The following MRAP2 variants were observed in gnomAD, a reference collection of about 807,000 sequenced individuals.
MRAP2 encodes the protein melanocortin-2 receptor accessory protein 2.
In MRAP2, 20 loss-of-function variants were observed where a neutral mutation model predicts 17.4. The ratio of observed to expected loss-of-function variants is 1.15; its 90% CI spans 0.81 to 1.67. MRAP2 has a LOEUF of 1.67. Ranked by LOEUF, MRAP2 falls within the 40% of genes most tolerant of loss-of-function variation. The probability of loss-of-function intolerance (pLI) is 0.00; values close to 1 mark genes in which losing one functional copy is unlikely to be tolerated. For missense variants in MRAP2, 238 were observed against 240.0 expected (o/e 0.99, Z 0.05); for synonymous variants, 96 against 88.4 (o/e 1.09, Z -0.48).
chr6:84,050,777 A>C (rs2129162621), intron 1 of MRAP2, among the ~76,000 whole-genome samples: 1 of 152,332 alleles, frequency 6.6e-6, no homozygotes, highest in East Asian at 1.9e-4. Context: ...CCTGGGTGGC[A>C]TGCCTACTTT....
intron 1 of MRAP2, among the ~76,000 whole-genome samples, chr6:84,050,083 G>A (rs879485710): frequency 1.1e-4 from 16 of 152,084 alleles, no homozygotes; most frequent in Non-Finnish European, 1.0e-4. Context: ...CAAAATAGTC[G>A]TGAGGAGGAG....
chr6:84,081,083 A>G (rs771490665), intron 3 of MRAP2, among the ~76,000 whole-genome samples: 9 of 152,232 alleles, frequency 5.9e-5, no homozygotes, highest in Non-Finnish European at 2.9e-5. Context: ...CAACAGTTGT[A>G]TTAGGGATGT....
chr6:84,109,154 G>C, the MRAP2 span, among the ~76,000 whole-genome samples: 1 of 152,000 alleles, frequency 6.6e-6, no homozygotes. Context: ...TGGCTTTTTG[G>C]GCTCTTTTTT....
chr6:84,034,832 T>C (rs1229888820), intron 1 of MRAP2, among the ~76,000 whole-genome samples: 1 of 152,134 alleles, frequency 6.6e-6, no homozygotes, highest in Non-Finnish European at 1.5e-5. Flanking sequence ...ATTGCGATAT[T>C]AAATACGTTT....
chr6:84,079,037 C>T (rs1410889712), intron 3 of MRAP2, among the ~76,000 whole-genome samples: 1 of 152,314 alleles, frequency 6.6e-6, no homozygotes, highest in Middle Eastern at 3.4e-3. Context: ...AGATCCACTA[C>T]ATGACTCAAT....
At chr6:84,060,852 A>ATTTTTTT in intron 2 of MRAP2, among the ~76,000 whole-genome samples, 1 of 119,522 alleles carries the variant, frequency 8.4e-6, no homozygotes, top group Non-Finnish European at 1.7e-5. Flanking sequence ...CACCCGGCTA[A>ATTTTTTT]TTTTTTTTTT....
intron 3 of MRAP2, among the ~76,000 whole-genome samples, chr6:84,067,803 G>A (rs2099495159): frequency 6.8e-6 from 1 of 147,804 alleles, no homozygotes; most frequent in African/African-American, 2.5e-5. Flanking sequence ...TTTGTCAGAT[G>A]TATGGATTGT....
the MRAP2 span, among the ~76,000 whole-genome samples, chr6:84,129,370 T>C: frequency 1.3e-5 from 2 of 152,228 alleles, no homozygotes; most frequent in Non-Finnish European, 2.9e-5. Flanking sequence ...GACTTTTTAA[T>C]GATCGCCATT....
chr6:84,047,181 T>C (rs2129161111), intron 1 of MRAP2, among the ~76,000 whole-genome samples: 1 of 152,020 alleles, frequency 6.6e-6, no homozygotes, highest in South Asian at 2.1e-4. Flanking sequence ...TTATTTGTAT[T>C]ATTTAATTAA....
At chr6:84,138,030 A>C in the MRAP2 span, among the ~76,000 whole-genome samples, 4 of 152,240 alleles carry the variant, frequency 2.6e-5, no homozygotes, top group Non-Finnish European at 4.4e-5. Flanking sequence ...CTAAGTGGGA[A>C]TCATCTTTGC....
At chr6:84,067,090 G>C (rs559905818) in intron 3 of MRAP2, among the ~76,000 whole-genome samples, 25 of 150,604 alleles carry the variant, frequency 1.7e-4, no homozygotes, top group Admixed American at 1.2e-3. Context: ...TTCTGCCTTT[G>C]TATCCTCATA....
the MRAP2 span, among the ~76,000 whole-genome samples, chr6:84,126,132 A>G: frequency 2.0e-5 from 3 of 152,110 alleles, no homozygotes; most frequent in South Asian, 6.2e-4. Context: ...GGAATCCATC[A>G]ATAATTAAGA....
intron 1 of MRAP2, among the ~76,000 whole-genome samples, chr6:84,054,687 A>C (rs947481425): frequency 2.0e-5 from 3 of 152,210 alleles, no homozygotes; most frequent in African/African-American, 7.2e-5. Flanking sequence ...TCTGATACTA[A>C]TTTGATTACT....
chr6:84,062,221 C>A (rs1233820466), intron 2 of MRAP2: 2 of 512,922 alleles, frequency 3.9e-6, no homozygotes, highest in East Asian at 1.5e-4. Context: ...GAAAACCTAG[C>A]CAATGCTTCT....
At chr6:84,053,947 G>C (rs568670844) in intron 1 of MRAP2, among the ~76,000 whole-genome samples, 37 of 152,224 alleles carry the variant, frequency 2.4e-4, no homozygotes, top group African/African-American at 6.7e-4. Flanking sequence ...AAGGGGTAAG[G>C]GAAAGGGGAG....
chr6:84,045,750 A>G (rs752685713), intron 1 of MRAP2, among the ~76,000 whole-genome samples: 1 of 150,928 alleles, frequency 6.6e-6, no homozygotes, highest in Non-Finnish European at 1.5e-5. Context: ...GTGAGGAGCA[A>G]GACTGTCTCA....
In MRAP2 at chr6:84,068,657, G is replaced by GT. The variant is rs551806325; in HGVS notation, c.227+5672dup. On this transcript the variant is annotated intron_variant, in intron 3 of 3. Transcript: ENST00000257776. ...TTTTGTTTTTTGTTTTTTTGTGTGT[G>GT]TTTTTTTGCAGATATTGTAAAAGGG... is the stretch of plus-strand genomic sequence containing the variant. Among the ~76,000 whole-genome samples the GT allele has an allele frequency of 5.8e-3, 863 of 149,582 alleles. 4 individuals carry two copies. The highest frequency in any genetic ancestry group is 0.02 in the African/African-American group (831 of 40,694).
chr6:84,055,326 C>T lies in MRAP2; in HGVS notation c.8C>T (p.Ala3Val). 6.2e-7 allele frequency: 1 copy of T among 1,613,294 alleles called. No individual in the cohort carries two copies. Among genetic ancestry groups the T allele is most frequent in the Non-Finnish European group, 8.5e-7 (1 of 1,179,854 alleles). Residue 3 changes from alanine (A) to valine (V), a missense_variant, in exon 2 of 4, where the codon GCC becomes GTC. Transcript: ENST00000257776. MSAQRLISNRTSQ... is the reference protein window; with the variant it reads MSVQRLISNRTSQ... The stretch of plus-strand genomic sequence containing the variant: ...CATTTGTGCAGGTCGGAGATGTCCG[C>T]CCAGAGGTTAATTTCTAACAGAACC...
At chr6:84,126,386 G>A in the MRAP2 span, 1 of 1,589,630 alleles carries the variant, frequency 6.3e-7, no homozygotes, top group Non-Finnish European at 8.5e-7. Flanking sequence ...ACCTGTTGAA[G>A]TTCCTGTTCT....
Sources: allele counts gnomAD v4.1 joint callset (sites outside exome capture counted in the v4.1 genomes callset), GRCh38; gene constraint gnomAD v4.1.1; transcripts MANE v1.5; gene names NCBI Gene and HGNC (gene_info 2026-07-23, HGNC 2026-07-21).